Variants in ROBO1 observed in about 807,000 individuals in gnomAD.
ROBO1 encodes the protein roundabout homolog 1.
ROBO1 carries 149 observed loss-of-function variants against 195.9 expected under a neutral mutation model. The ratio of observed to expected loss-of-function variants is 0.76; its 90% CI spans 0.67 to 0.87. ROBO1 has a LOEUF of 0.87. Ranked by LOEUF, ROBO1 falls within the 40% of genes least tolerant of loss-of-function variation. The pLI is 0.00. For missense variants in ROBO1, 1,933 were observed against 2,068.3 expected (o/e 0.93, Z 1.27); for synonymous variants, 816 against 733.2 (o/e 1.11, Z -1.82).
rs2080379511 is a variant in ROBO1, at chr3:79,135,173, T to C, written c.89-9634A>G. On this transcript the variant is annotated intron_variant, in intron 2 of 30. Coordinates refer to ENST00000464233, the MANE Select transcript of ROBO1 (RefSeq NM_002941.4). The stretch of plus-strand genomic sequence containing the variant: ...CCTCCTAACTGAAATTTTATGTCCT[T>C]TGGCCAGCATCTCCCCAAACCCCCA... 1.3e-5 allele frequency among the ~76,000 whole-genome samples: 2 copies of C among 152,106 alleles called. 1 individual carries two copies. The highest frequency in any genetic ancestry group is 4.1e-4 in the South Asian group (2 of 4,822).
At chr3:78,738,834 A>G (rs1267585580) in intron 5 of ROBO1, among the ~76,000 whole-genome samples, 1 of 152,218 alleles carries the variant, frequency 6.6e-6, no homozygotes, top group Admixed American at 6.5e-5. Context: ...ATAAAATCTT[A>G]ATTCAGCTAT....
At position 79,404,677 on chromosome 3, in the gene ROBO1, T is replaced by C. The variant is rs777636892; in HGVS notation, c.88+185147A>G. Among the ~76,000 whole-genome samples, 18 of 152,216 alleles carry C rather than the reference T, an allele frequency of 1.2e-4. 1 individual carries two copies. In the Middle Eastern group the frequency reaches 0.01, roughly 86 times the overall value. ...TCTGAACAATCAAGCATTAACCAAA[T>C]GGAAAGAGACATAGGATGAATAAGC... On this transcript the variant is annotated intron_variant, in intron 2 of 30. Transcript: ENST00000464233.
At chr3:79,389,483 G>A (rs1230413045) in intron 2 of ROBO1, among the ~76,000 whole-genome samples, 1 of 151,920 alleles carries the variant, frequency 6.6e-6, no homozygotes, top group Non-Finnish European at 1.5e-5. Context: ...ATGGAATTGA[G>A]GAAAGAGGAA....
At chr3:79,632,573 A>C (rs1045230228) in intron 1 of ROBO1, among the ~76,000 whole-genome samples, 3 of 152,162 alleles carry the variant, frequency 2.0e-5, no homozygotes, top group African/African-American at 7.2e-5. Context: ...AGGCCTCACC[A>C]TTATGCAATA....
intron 2 of ROBO1, among the ~76,000 whole-genome samples, chr3:79,154,790 C>T (rs940482052): frequency 1.3e-5 from 2 of 151,730 alleles, no homozygotes; most frequent in Non-Finnish European, 2.9e-5. Flanking sequence ...AATAAATTTC[C>T]TTTTAGCTTT....
chr3:78,860,326 A>ATATATATATATTT lies in ROBO1; in HGVS notation c.499+78274_499+78275insAAATATATATATA, dbSNP rs376853384. Among the ~76,000 whole-genome samples, 198 of 93,486 alleles carry ATATATATATATTT rather than the reference A, an allele frequency of 2.1e-3. 1 individual carries two copies. The highest frequency in any genetic ancestry group is 5.9e-3 in the African/African-American group (130 of 22,204). 61.3% of individuals were successfully genotyped at this position (93,486 alleles called of 152,430 possible). A position where few individuals can be genotyped will look rare whatever the true frequency, so the allele number is the denominator to read the frequency against. The stretch of plus-strand genomic sequence containing the variant: ...ACTATATATATATATATATATATAT[A>ATATATATATATTT]TTTTTTTTTTTTTACTCATAAGGTG... On this transcript the variant is annotated intron_variant, in intron 4 of 30. Coordinates refer to ENST00000464233, the MANE Select transcript of ROBO1 (RefSeq NM_002941.4).
rs559172388 is a variant in ROBO1 at position 78,814,874 on chromosome 3, C to G, written c.500-67974G>C. On this transcript the variant is annotated intron_variant, in intron 4 of 30. Coordinates refer to ENST00000464233, the MANE Select transcript of ROBO1 (RefSeq NM_002941.4). ...CAGCAAGTCTGTCAGGGCCATTTTC[C>G]CAAGAGCATGGCTTTACTTCATGTC... 4.6e-5 allele frequency among the ~76,000 whole-genome samples: 7 copies of G among 152,120 alleles called. No individual in the cohort carries two copies. The East Asian group carries it at 1.4e-3, about 29-fold the overall frequency.
At chr3:78,813,424 A>G (rs372765725) in intron 4 of ROBO1, among the ~76,000 whole-genome samples, 2 of 152,098 alleles carry the variant, frequency 1.3e-5, no homozygotes, top group Non-Finnish European at 2.9e-5. Context: ...ATGTATAAAG[A>G]TCTAAAAACT....
chr3:78,868,460 T>G (rs2035320566), intron 4 of ROBO1, among the ~76,000 whole-genome samples: 1 of 152,150 alleles, frequency 6.6e-6, no homozygotes, highest in Non-Finnish European at 1.5e-5. Context: ...AATATGTGTT[T>G]AAAATGTTAT....
At chr3:79,656,300 A>C (rs1397829678) in intron 1 of ROBO1, among the ~76,000 whole-genome samples, 1 of 151,684 alleles carries the variant, frequency 6.6e-6, no homozygotes, top group African/African-American at 2.4e-5. Context: ...TTGTTTTTTG[A>C]GATAATAATA....
At chr3:79,379,111 T>C (rs537091053) in intron 2 of ROBO1, among the ~76,000 whole-genome samples, 1 of 130,556 alleles carries the variant, frequency 7.7e-6, no homozygotes, top group Admixed American at 7.3e-5. Flanking sequence ...ATTACACATG[T>C]ACACTACACA....
chr3:79,349,262 A>G (rs2035250306), intron 2 of ROBO1, among the ~76,000 whole-genome samples: 1 of 152,164 alleles, frequency 6.6e-6, no homozygotes, highest in Non-Finnish European at 1.5e-5. Flanking sequence ...TGATGGCATT[A>G]AGACCCAGAG....
At chr3:79,503,132 A>G (rs543578621) in intron 2 of ROBO1, among the ~76,000 whole-genome samples, 4 of 152,314 alleles carry the variant, frequency 2.6e-5, no homozygotes, top group South Asian at 2.1e-4. Context: ...CTACACTGCC[A>G]TTATGAGCTG....
intron 2 of ROBO1, among the ~76,000 whole-genome samples, chr3:79,583,667 A>C (rs1943728034): frequency 6.6e-6 from 1 of 152,000 alleles, no homozygotes; most frequent in Non-Finnish European, 1.5e-5. Context: ...ATTAAGAGAC[A>C]TTTGGTATCA....
chr3:79,050,132 G>A (rs1425198400), intron 3 of ROBO1, among the ~76,000 whole-genome samples: 3 of 152,144 alleles, frequency 2.0e-5, no homozygotes, highest in African/African-American at 4.8e-5. Context: ...CCATTGGTGT[G>A]CTATATTCAG....
intron 2 of ROBO1, among the ~76,000 whole-genome samples, chr3:79,370,616 C>T (rs1190366941): frequency 6.6e-6 from 1 of 151,098 alleles, no homozygotes; most frequent in Non-Finnish European, 1.5e-5. Flanking sequence ...ACTTCTTCAA[C>T]AGGGTGTTAT....
At chr3:79,075,627 T>A (rs1461875304) in intron 3 of ROBO1, among the ~76,000 whole-genome samples, 1 of 151,808 alleles carries the variant, frequency 6.6e-6, no homozygotes, top group Non-Finnish European at 1.5e-5. Context: ...GGAGGCGGTG[T>A]GCTAGAAGAA....
intron 3 of ROBO1, among the ~76,000 whole-genome samples, chr3:79,092,472 T>C (rs1229147868): frequency 6.6e-6 from 1 of 152,148 alleles, no homozygotes; most frequent in Admixed American, 6.6e-5. Flanking sequence ...AATTGAGAAT[T>C]GCCAGACAGA....
intron 3 of ROBO1, among the ~76,000 whole-genome samples, chr3:78,994,525 T>C (rs1467206104): frequency 1.6e-4 from 25 of 152,158 alleles, no homozygotes; most frequent in Admixed American, 2.6e-4. Flanking sequence ...AGTATTTAAA[T>C]CTCAGCAATG....
Sources: gnomAD v4.1 joint callset for allele counts (sites outside exome capture counted in the v4.1 genomes callset) on GRCh38, gnomAD v4.1.1 for gene constraint, MANE v1.5 for transcripts, NCBI Gene and HGNC (gene_info 2026-07-23, HGNC 2026-07-21) for gene names.